Variants in ANKRA2 observed in about 807,000 individuals in gnomAD.
The protein encoded by ANKRA2 is ankyrin repeat family A member 2.
In ANKRA2, 33 loss-of-function variants were observed where a neutral mutation model predicts 37.8. The ratio of observed to expected loss-of-function variants is 0.87; its 90% CI spans 0.66 to 1.17. The LOEUF is 1.17. Among genes scored for constraint, ANKRA2 ranks in the 50% most tolerant of loss-of-function variants. The pLI, the probability that ANKRA2 is intolerant of heterozygous loss-of-function variation, is 0.00. For missense variants in ANKRA2, 326 were observed against 373.7 expected (o/e 0.87, Z 1.05); for synonymous variants, 126 against 132.3 (o/e 0.95, Z 0.33).
At chr5:73,561,937 A>G (rs932670402) in intron 2 of ANKRA2, among the ~76,000 whole-genome samples, 1 of 152,216 alleles carries the variant, frequency 6.6e-6, no homozygotes, top group East Asian at 1.9e-4. Flanking sequence ...AAGTAAATGC[A>G]TATTAAATAT....
chr5:73,552,754 C>T lies in ANKRA2; in HGVS notation c.*43G>A, dbSNP rs1561267514. On this transcript the variant is annotated 3_prime_UTR_variant, in exon 9 of 9. Coordinates refer to ENST00000296785, the MANE Select transcript of ANKRA2 (RefSeq NM_023039.5). Reference sequence around the variant, plus strand: ...TAAACAAAACTATCATTTATAAGGACCAAGAAGTAAACAAAAGGGCAGACA... The same window carrying T: ...TAAACAAAACTATCATTTATAAGGATCAAGAAGTAAACAAAAGGGCAGACA... 1 of 1,533,334 alleles carries T rather than the reference C, an allele frequency of 6.5e-7. No homozygotes were observed. The highest frequency in any genetic ancestry group is 1.2e-5 in the South Asian group (1 of 86,950). 95.0% of individuals were successfully genotyped at this position (1,533,334 alleles called of 1,614,324 possible).
chr5:73,553,189 C>T (rs1747298161), intron 8 of ANKRA2, among the ~76,000 whole-genome samples: 1 of 152,188 alleles, frequency 6.6e-6, no homozygotes. Context: ...TGCACTTATC[C>T]TCCAGTAACC....
chr5:73,564,443 C>CT (rs773613434), intron 1 of ANKRA2, among the ~76,000 whole-genome samples: 1 of 152,226 alleles, frequency 6.6e-6, no homozygotes, highest in East Asian at 1.9e-4. Context: ...ACCACTCTTA[C>CT]TAATTTTTGC....
At chr5:73,555,995 G>A (rs1000309739) in intron 4 of ANKRA2, among the ~76,000 whole-genome samples, 2 of 152,084 alleles carry the variant, frequency 1.3e-5, no homozygotes, top group Non-Finnish European at 2.9e-5. Context: ...ACAGTTGGGA[G>A]GATCATAATA....
At chr5:73,556,354 T>C (rs1747397415) in intron 4 of ANKRA2, among the ~76,000 whole-genome samples, 1 of 152,204 alleles carries the variant, frequency 6.6e-6, no homozygotes, top group South Asian at 2.1e-4. Flanking sequence ...ATGACAAGAT[T>C]AAGCAAAATA....
In ANKRA2 at chr5:73,565,378, A is replaced by C. The variant is rs1413413791; in HGVS notation, c.-351T>G. 3 of 157,932 alleles carry C rather than the reference A, an allele frequency of 1.9e-5. No individual in the cohort carries two copies. Among genetic ancestry groups the C allele is most frequent in the African/African-American group, 7.3e-5 (3 of 41,268 alleles). The allele number at this position is 157,932 out of a possible 1,614,324, so 9.8% of individuals were successfully genotyped here. A position where few individuals can be genotyped will look rare whatever the true frequency, so the allele number is the denominator to read the frequency against. ...ACAGCGAGTCGGGCCTTCCCATCTG[A>C]GGCCAGCTTCAGTACAGGCCTCCAA... On this transcript the variant is annotated 5_prime_UTR_variant, in exon 1 of 9. Coordinates refer to ENST00000296785, the MANE Select transcript of ANKRA2 (RefSeq NM_023039.5).
At chr5:73,559,695 T>G (rs1580379420) in intron 3 of ANKRA2, among the ~76,000 whole-genome samples, 2 of 152,218 alleles carry the variant, frequency 1.3e-5, no homozygotes. Context: ...CTTTTAAGTT[T>G]TCATAATTAA....
rs372154395 is a variant in ANKRA2 at position 73,560,587 on chromosome 5, T to A, written c.448+543A>T. 4.6e-5 allele frequency among the ~76,000 whole-genome samples: 7 copies of A among 152,178 alleles called. No individual in the cohort carries two copies. In the South Asian group the frequency reaches 1.4e-3, roughly 31 times the overall value. ...TTTTAGTAGAGACAGGGTCTTGCTA[T>A]GTTGCCCTGGCCAGTCTCGAATTCC... is the stretch of plus-strand genomic sequence containing the variant. On this transcript the variant is annotated intron_variant, in intron 3 of 8. Coordinates refer to ENST00000296785, the MANE Select transcript of ANKRA2 (RefSeq NM_023039.5).
At chr5:73,555,463 A>G (rs1418460870) in intron 5 of ANKRA2, 25 bp downstream of exon 5, 1 of 1,611,418 alleles carries the variant, frequency 6.2e-7, no homozygotes, top group Non-Finnish European at 8.5e-7. Flanking sequence ...CTATACATAT[A>G]CATTTTCTGA....
At chr5:73,553,870 G>C (rs1360311946) in intron 7 of ANKRA2, among the ~76,000 whole-genome samples, 1 of 152,076 alleles carries the variant, frequency 6.6e-6, no homozygotes, top group African/African-American at 2.4e-5. Flanking sequence ...TGCCCCTGGG[G>C]TTCAAGCGAT....
intron 5 of ANKRA2, 169 bp downstream of exon 5, chr5:73,555,319 A>C: frequency 7.9e-7 from 1 of 1,264,486 alleles, no homozygotes; most frequent in Non-Finnish European, 1.1e-6. Context: ...TGCATGTATG[A>C]TTAGTCTTGC....
At chr5:73,561,759 T>A (rs1561271186) in intron 2 of ANKRA2, among the ~76,000 whole-genome samples, 1 of 150,440 alleles carries the variant, frequency 6.6e-6, no homozygotes, top group Non-Finnish European at 1.5e-5. Context: ...AGAGAGAGGC[T>A]CTGGCTCAAA....
rs1299703100 is a variant in ANKRA2, at chr5:73,554,896, G to A, written c.703C>T (p.Leu235Phe). The A allele has an allele frequency of 6.2e-7, 1 of 1,613,754 alleles. No homozygotes were observed. Residue 235 changes from leucine (L) to phenylalanine (F), a missense_variant, in exon 6 of 9, where the codon CTT becomes TTT. Coordinates refer to ENST00000296785, the MANE Select transcript of ANKRA2 (RefSeq NM_023039.5). ...KGYTDIVKML[L>F]DCGVDVNEYD... ...TCATTTACATCAACTCCACAATCAA[G>A]CAGCATTTTGACAATATCTGTGTAG...
At position 73,561,277 on chromosome 5, in the gene ANKRA2, T is replaced by C. The variant is rs1747546822; in HGVS notation, c.301A>G (p.Ile101Val). 1 of 1,612,660 alleles carries C rather than the reference T, an allele frequency of 6.2e-7. No homozygotes were observed. The highest frequency in any genetic ancestry group is 2.2e-5 in the East Asian group (1 of 44,858). The stretch of plus-strand genomic sequence containing the variant: ...ATTCCCGGAGAAGGAGATGTATGGA[T>C]ATTGCATTCAGCTAAGTGAAAAACA... ...ASVLFKAECNIHTSPSPGIQV... is the reference protein window; with the variant it reads ...ASVLFKAECNVHTSPSPGIQV... The change falls in exon 3 of 9, where the codon ATC becomes GTC. Residue 101 changes from isoleucine to valine, a missense_variant. This residue lies in a region of ANKRA2 where 228 missense variants were observed against 260.2 expected (regional missense o/e 0.88). Transcript: ENST00000296785.
rs556490229 is a variant in ANKRA2, at chr5:73,552,582, CATTA to C, written c.*211_*214del. 5.0e-4 allele frequency: 219 copies of C among 437,806 alleles called. 2 individuals are homozygous for C. The highest frequency in any genetic ancestry group is 3.7e-3 in the African/African-American group (177 of 47,944). 27.1% of individuals were successfully genotyped at this position (437,806 alleles called of 1,614,324 possible). ...CATAAAAATTTACATGCCACGAAAA[CATTA>C]ATTTATAATTTTAAATATACAGTAA... On this transcript the variant is annotated 3_prime_UTR_variant, in exon 9 of 9. Coordinates refer to ENST00000296785, the MANE Select transcript of ANKRA2 (RefSeq NM_023039.5).
At position 73,562,846 on chromosome 5, in the gene ANKRA2, C is replaced by A. The variant is rs759889051; in HGVS notation, c.36G>T (p.Gln12His). 3.7e-6 allele frequency: 6 copies of A among 1,612,624 alleles called. No homozygotes were observed. In the South Asian group the frequency reaches 6.6e-5, roughly 18 times the overall value. ...TGCTGGGACACTCTTCCACGATAAGCTGGGCTCCAATATCCAGATTTGTTG... is the reference window on the plus strand; with the variant it reads ...TGCTGGGACACTCTTCCACGATAAGATGGGCTCCAATATCCAGATTTGTTG... The part of the protein sequence containing the change: ...DTSTNLDIGA[Q>H]LIVEECPSTY... The change falls in exon 2 of 9, where the codon CAG (glutamine) becomes CAT (histidine). Residue 12 changes from glutamine to histidine, a missense_variant. Coordinates refer to ENST00000296785, the MANE Select transcript of ANKRA2 (RefSeq NM_023039.5).
intron 1 of ANKRA2, 39 bp from the exon 2 acceptor site, chr5:73,563,024 G>T (rs1747597807): frequency 1.3e-6 from 1 of 742,562 alleles, no homozygotes; most frequent in Non-Finnish European, 2.1e-6. Flanking sequence ...TATTCTATCA[G>T]CTTAGGTAAA....
At chr5:73,563,675 G>A (rs1747617920) in intron 1 of ANKRA2, among the ~76,000 whole-genome samples, 1 of 152,138 alleles carries the variant, frequency 6.6e-6, no homozygotes, top group South Asian at 2.1e-4. Flanking sequence ...TTTCCAAGAT[G>A]TATAGTTGTC....
At chr5:73,555,022 T>C (rs776804845) in intron 5 of ANKRA2, 36 bp from the exon 6 acceptor site, 1 of 1,593,560 alleles carries the variant, frequency 6.3e-7, no homozygotes, top group Non-Finnish European at 8.5e-7. Context: ...ACTTCTCAAT[T>C]AGTTTAAACA....
Sources: gnomAD v4.1 joint callset for allele counts (sites outside exome capture counted in the v4.1 genomes callset) on GRCh38, gnomAD v4.1.1 for gene constraint, gnomAD v4.1.1 regional missense constraint, MANE v1.5 for transcripts, NCBI Gene and HGNC (gene_info 2026-07-23, HGNC 2026-07-21) for gene names.